The following ANGPTL4 variants were observed in gnomAD, a reference collection of about 807,000 sequenced individuals.
ANGPTL4 encodes the protein angiopoietin like 4.
In ANGPTL4, 39 loss-of-function variants were observed where a neutral mutation model predicts 39.2. The ratio of observed to expected loss-of-function variants is 1.00; its 90% confidence interval spans 0.77 to 1.30. The LOEUF is 1.30. ANGPTL4 is among the 50% of genes most tolerant of loss of function. The pLI is 0.00. For missense variants in ANGPTL4, 545 were observed against 549.8 expected, an observed-to-expected ratio of 0.99 and a Z score of 0.09; for synonymous variants, 233 against 229.5, an observed-to-expected ratio of 1.02 and a Z score of -0.14.
At position 8,374,126 on chromosome 19, in the gene ANGPTL4, G is replaced by A. The variant is rs1275606260; in HGVS notation, c.*240G>A. Reference sequence around the variant, plus strand: ...AGACTCTAGAGGCGTGGACCAAGGGGCATGGAGCTTCACTCCTTGCTGGCC... The same window carrying A: ...AGACTCTAGAGGCGTGGACCAAGGGACATGGAGCTTCACTCCTTGCTGGCC... On this transcript the variant is annotated 3_prime_UTR_variant, in exon 7 of 7. Coordinates refer to ENST00000301455, the MANE Select transcript of ANGPTL4 (RefSeq NM_139314.3). The A allele has an allele frequency of 1.9e-6, 1 of 530,140 alleles. No individual in the cohort carries two copies. The allele number at this position is 530,140 out of a possible 1,614,324, so 32.8% of individuals were successfully genotyped here.
chr19:8,364,189 G>A lies in ANGPTL4; in HGVS notation c.-133G>A. 1 of 960,682 alleles carries A rather than the reference G, an allele frequency of 1.0e-6. No individual in the cohort carries two copies. Among genetic ancestry groups the A allele is most frequent in the Non-Finnish European group, 1.5e-6 (1 of 657,214 alleles). The allele number at this position is 960,682 out of a possible 1,614,324, so 59.5% of individuals were successfully genotyped here. ...GCTGAGCGGATCCTCACACGACTGT[G>A]ATCCGATTCTTTCCAGCGGCTTCTG... is the stretch of plus-strand genomic sequence containing the variant. On this transcript the variant is annotated 5_prime_UTR_variant, in exon 1 of 7. Transcript: ENST00000301455.
intron 3 of ANGPTL4, 139 bp downstream of exon 3, chr19:8,366,458 T>A: frequency 1.0e-6 from 1 of 971,740 alleles, no homozygotes; most frequent in Non-Finnish European, 1.6e-6. Flanking sequence ...AGTCTCTGGG[T>A]CAAAGCTGAT....
At chr19:8,370,700 TAAAA>T (rs33922743) in intron 4 of ANGPTL4, among the ~76,000 whole-genome samples, 11 of 99,252 alleles carry the variant, frequency 1.1e-4, no homozygotes, top group Non-Finnish European at 1.4e-4. Flanking sequence ...ACTCCATCTC[TAAAA>T]AAAAAAAAAA....
At chr19:8,370,133 G>A (rs1224617027) in intron 4 of ANGPTL4, among the ~76,000 whole-genome samples, 1 of 152,148 alleles carries the variant, frequency 6.6e-6, no homozygotes, top group African/African-American at 2.4e-5. Flanking sequence ...AACCTGGGAG[G>A]CAGAGGTTGC....
intron 1 of ANGPTL4, among the ~76,000 whole-genome samples, chr19:8,365,705 T>C (rs1970988029): frequency 6.7e-6 from 1 of 150,350 alleles, no homozygotes; most frequent in African/African-American, 2.5e-5. Flanking sequence ...TAGTCCCAGC[T>C]ACACAGGAGG....
intron 1 of ANGPTL4, among the ~76,000 whole-genome samples, chr19:8,364,881 A>ACACACACACC (rs1297506205): frequency 6.6e-6 from 1 of 151,714 alleles, no homozygotes; most frequent in Non-Finnish European, 1.5e-5. Context: ...ACACACACAC[A>ACACACACACC]CACAAAATAA....
intron 3 of ANGPTL4, among the ~76,000 whole-genome samples, chr19:8,368,182 C>CT (rs1378403447): frequency 1.3e-5 from 2 of 152,108 alleles, no homozygotes; most frequent in Non-Finnish European, 2.9e-5. Flanking sequence ...TCACACCCAG[C>CT]TAATCTTTGT....
chr19:8,365,177 A>T (rs1234775111), intron 1 of ANGPTL4, among the ~76,000 whole-genome samples: 1 of 150,786 alleles, frequency 6.6e-6, no homozygotes, highest in Non-Finnish European at 1.5e-5. Context: ...AAAAAATAAT[A>T]GCGATAAAAT....
chr19:8,369,455 CTTTTT>C (rs569969146), intron 4 of ANGPTL4, 123 bp downstream of exon 4: 828 of 323,224 alleles, frequency 2.6e-3, no homozygotes, highest in Non-Finnish European at 2.8e-3. Context: ...CCAAGCTGGT[CTTTTT>C]TTTTTTTTTT....
Position 8,364,321 on chromosome 19 carries a change from G to A in ANGPTL4, c.-1G>A. On this transcript the variant is annotated 5_prime_UTR_variant, in exon 1 of 7. Transcript: ENST00000301455. ...TCCCCGCTCCCAGGCTACCTAAGAG[G>A]ATGAGCGGTGCTCCGACGGCCGGGG... is the stretch of plus-strand genomic sequence containing the variant. 3 of 1,543,218 alleles carry A rather than the reference G, an allele frequency of 1.9e-6. No individual in the cohort carries two copies. The highest frequency in any genetic ancestry group is 2.6e-6 in the Non-Finnish European group (3 of 1,148,978).
At chr19:8,372,255 C>T (rs1035978450) in intron 6 of ANGPTL4, among the ~76,000 whole-genome samples, 2 of 151,686 alleles carry the variant, frequency 1.3e-5, no homozygotes, top group South Asian at 4.1e-4. Flanking sequence ...GACGGGGTTT[C>T]ACCATGTTGG....
chr19:8,373,592 A>G, intron 6 of ANGPTL4, 113 bp from the exon 7 acceptor site: 2 of 1,471,708 alleles, frequency 1.4e-6, no homozygotes, highest in Non-Finnish European at 1.9e-6. Flanking sequence ...AGTCAAGTCC[A>G]AAGCCCAGCC....
chr19:8,371,639 C>A lies in ANGPTL4; in HGVS notation c.1039+117C>A, dbSNP rs960565242. 4.2e-5 allele frequency: 60 copies of A among 1,439,690 alleles called. No individual in the cohort carries two copies. The highest frequency in any genetic ancestry group is 5.4e-5 in the Non-Finnish European group (57 of 1,061,572). 89.2% of individuals were successfully genotyped at this position (1,439,690 alleles called of 1,614,324 possible). ...GTTTCCTGCCCCCACCTCTTCCTTA[C>A]ATGCCGTGTGTGTGATTGGGCCACT... On this transcript the variant is annotated intron_variant, in intron 6 of 6. Transcript: ENST00000301455. The surrounding 1 kb of genome is among the most constrained non-coding windows in gnomAD (Gnocchi z 5.1).
At chr19:8,370,417 TA>T (rs58110091) in intron 4 of ANGPTL4, among the ~76,000 whole-genome samples, 2 of 149,570 alleles carry the variant, frequency 1.3e-5, no homozygotes, top group Admixed American at 6.7e-5. Flanking sequence ...ACCTCGTTTC[TA>T]AAAAAAAACA....
chr19:8,364,606 C>A lies in ANGPTL4; in HGVS notation c.285C>A (p.Ser95Arg). The A allele has an allele frequency of 6.3e-7, 1 of 1,592,392 alleles. No individual in the cohort carries two copies. Among genetic ancestry groups the A allele is most frequent in the Non-Finnish European group, 8.5e-7 (1 of 1,170,626 alleles). ...GSTDLPLAPESRVDPEVLHSL... is the reference protein window; with the variant it reads ...GSTDLPLAPERRVDPEVLHSL... ...CCGACCTCCCGTTAGCCCCTGAGAGCCGGGTGGACCCTGAGGTCCTTCACA... is the reference window on the plus strand; with the variant it reads ...CCGACCTCCCGTTAGCCCCTGAGAGACGGGTGGACCCTGAGGTCCTTCACA... Residue 95 changes from serine (S) to arginine (R), a missense_variant, in exon 1 of 7, where the codon AGC becomes AGA. Ser to Arg is a moderately radical substitution (Grantham distance 110). Coordinates refer to ENST00000301455, the MANE Select transcript of ANGPTL4 (RefSeq NM_139314.3).
chr19:8,364,540 G>T lies in ANGPTL4; in HGVS notation c.219G>T (p.Leu73=), dbSNP rs747719288. 1 of 1,573,218 alleles carries T rather than the reference G, an allele frequency of 6.4e-7. No individual in the cohort carries two copies. The highest frequency in any genetic ancestry group is 1.3e-5 in the African/African-American group (1 of 74,288). The change falls in exon 1 of 7, where the codon CTG becomes CTT. Residue 73 remains leucine (L), a synonymous_variant. Transcript: ENST00000301455. ...AGCTGAGCGCGCTGGAGCGGCGCCT[G>T]AGCGCGTGCGGGTCCGCCTGTCAGG... ...RSQLSALERR[L]SACGSACQGT...
At chr19:8,370,272 G>A (rs1224561827) in intron 4 of ANGPTL4, among the ~76,000 whole-genome samples, 2 of 152,122 alleles carry the variant, frequency 1.3e-5, no homozygotes, top group African/African-American at 4.8e-5. Context: ...TGGGCATGGT[G>A]GCACATGCCT....
intron 3 of ANGPTL4, 43 bp downstream of exon 3, chr19:8,366,362 C>G (rs1971007032): frequency 6.3e-7 from 1 of 1,589,122 alleles, no homozygotes; most frequent in Non-Finnish European, 8.6e-7. Context: ...CCACCCCTAC[C>G]CCGCCACTTG....
At chr19:8,372,392 CTTTTTTTTT>C (rs34408253) in intron 6 of ANGPTL4, among the ~76,000 whole-genome samples, 2 of 110,328 alleles carry the variant, frequency 1.8e-5, no homozygotes, top group African/African-American at 3.4e-5. Context: ...CCACAGGATT[CTTTTTTTTT>C]TTTTTTTTTT....
Sources: allele counts gnomAD v4.1 joint callset (sites outside exome capture counted in the v4.1 genomes callset), GRCh38; gene constraint gnomAD v4.1.1; non-coding constraint Gnocchi (gnomAD v3.1); transcripts MANE v1.5; gene names NCBI Gene and HGNC (gene_info 2026-07-23, HGNC 2026-07-21).